PAN3: variants seen among roughly 807,000 people sequenced by gnomAD.
PAN3 encodes the protein poly(A) specific ribonuclease subunit PAN3.
Under a neutral mutation model 96.2 loss-of-function variants are expected in PAN3, and 19 were observed. The observed-to-expected ratio is 0.20, with a 90% CI of 0.14 to 0.29. PAN3 has a LOEUF of 0.29. Ranked by LOEUF, PAN3 falls within the 10% of genes least tolerant of loss-of-function variation. The pLI is 1.00. For synonymous variants in PAN3, 433 were observed against 406.6 expected, an observed-to-expected ratio of 1.06 and a Z score of -0.78; for missense variants, 882 against 1,108.1, an observed-to-expected ratio of 0.80 and a Z score of 2.90.
chr13:28,281,991 G>T (rs1032478015), intron 17 of PAN3, among the ~76,000 whole-genome samples: 4 of 152,086 alleles, frequency 2.6e-5, no homozygotes, highest in Non-Finnish European at 5.9e-5. Context: ...GGGTGGTCTG[G>T]TCTTGAACTC....
At position 28,292,650 on chromosome 13, in the gene PAN3, A is replaced by G. The variant is rs1593653131; in HGVS notation, c.*128A>G. ...ACAGGAGATGAGCAAAGCTGCTTGC[A>G]CTTCAGTCAGGTACACTGTTACTTG... On this transcript the variant is annotated 3_prime_UTR_variant, in exon 19 of 19. Transcript: ENST00000380958. 1 of 868,184 alleles carries G rather than the reference A, an allele frequency of 1.2e-6. No individual in the cohort carries two copies. Among genetic ancestry groups the G allele is most frequent in the Non-Finnish European group, 1.6e-6 (1 of 607,530 alleles). The allele number at this position is 868,184 out of a possible 1,614,324, so 53.8% of individuals were successfully genotyped here. A position where few individuals can be genotyped will look rare whatever the true frequency, so the allele number is the denominator to read the frequency against.
intron 1 of PAN3, among the ~76,000 whole-genome samples, chr13:28,162,618 A>G (rs965705813): frequency 4.6e-5 from 7 of 151,534 alleles, no homozygotes; most frequent in Admixed American, 3.3e-4. Flanking sequence ...CTGCACTCCA[A>G]CCTGGGCAAC....
chr13:28,201,246 G>A (rs1878659939), intron 5 of PAN3, among the ~76,000 whole-genome samples: 6 of 149,518 alleles, frequency 4.0e-5, no homozygotes, highest in Admixed American at 4.0e-4. Flanking sequence ...GTCTTGCCGT[G>A]TTGCTCAGGC....
chr13:28,243,477 T>A (rs1883869514), intron 6 of PAN3, among the ~76,000 whole-genome samples: 1 of 152,230 alleles, frequency 6.6e-6, no homozygotes, highest in African/African-American at 2.4e-5. Flanking sequence ...TACTTACACT[T>A]TGAATTACTT....
intron 9 of PAN3, among the ~76,000 whole-genome samples, chr13:28,262,995 G>A (rs1210569306): frequency 1.3e-5 from 2 of 152,190 alleles, no homozygotes; most frequent in Non-Finnish European, 2.9e-5. Flanking sequence ...TTTCTGAACT[G>A]ACATGTAGAT....
At chr13:28,244,446 CTT>C (rs1883981832) in intron 6 of PAN3, among the ~76,000 whole-genome samples, 2 of 152,010 alleles carry the variant, frequency 1.3e-5, no homozygotes, top group African/African-American at 4.8e-5. Context: ...TGTTTATTCA[CTT>C]TATTGTTTAG....
chr13:28,181,838 T>A (rs574794161), intron 4 of PAN3, among the ~76,000 whole-genome samples: 57 of 152,346 alleles, frequency 3.7e-4, no homozygotes, highest in East Asian at 1.2e-3. Flanking sequence ...GGAGATTTTT[T>A]AAAAAGTGAT....
At chr13:28,275,747 G>C (rs1593619190) in intron 14 of PAN3, among the ~76,000 whole-genome samples, 1 of 152,122 alleles carries the variant, frequency 6.6e-6, no homozygotes, top group East Asian at 1.9e-4. Context: ...TCCTTCCCAT[G>C]CCAGCTTCCC....
Position 28,293,538 on chromosome 13 carries a change from T to A in PAN3, c.*1016T>A, listed in dbSNP as rs1870023230. Reference sequence around the variant, plus strand: ...TGAACTAAACTCAGCAGTGGTCTGGTATCAAGAGCTTTCTGATGTTTTACA... The same window carrying A: ...TGAACTAAACTCAGCAGTGGTCTGGAATCAAGAGCTTTCTGATGTTTTACA... On this transcript the variant is annotated 3_prime_UTR_variant, in exon 19 of 19. Coordinates refer to ENST00000380958, the MANE Select transcript of PAN3 (RefSeq NM_175854.8). 6.6e-6 allele frequency: 1 copy of A among 152,290 alleles called. No homozygotes were observed. The highest frequency in any genetic ancestry group is 1.5e-5 in the Non-Finnish European group (1 of 67,996). 9.4% of individuals were successfully genotyped at this position (152,290 alleles called of 1,614,324 possible). A position where few individuals can be genotyped will look rare whatever the true frequency, so the allele number is the denominator to read the frequency against.
At chr13:28,253,315 A>G (rs559027522) in intron 6 of PAN3, among the ~76,000 whole-genome samples, 2 of 152,238 alleles carry the variant, frequency 1.3e-5, no homozygotes, top group East Asian at 3.9e-4. Context: ...TTAGTACTGT[A>G]TGTAGGCACT....
At chr13:28,231,122 G>T (rs781296237) in intron 6 of PAN3, among the ~76,000 whole-genome samples, 3 of 152,196 alleles carry the variant, frequency 2.0e-5, no homozygotes, top group Non-Finnish European at 4.4e-5. Flanking sequence ...CAGTGGGTAA[G>T]ATTCCTACTA....
At chr13:28,165,283 C>CTTTT (rs35652829) in intron 1 of PAN3, among the ~76,000 whole-genome samples, 6 of 129,424 alleles carry the variant, frequency 4.6e-5, no homozygotes, top group African/African-American at 1.5e-4. Flanking sequence ...CTTATATATC[C>CTTTT]TTTTTTTTTT....
rs561119579 is a variant in PAN3, at chr13:28,264,883, G to A, written c.1412-1832G>A. On this transcript the variant is annotated intron_variant, in intron 9 of 18. Transcript: ENST00000380958. ...TTAGGTGATTGTGACAGGTGGTGAC[G>A]TTTAAGAACCAGTGCCATAGCGAAT... Among the ~76,000 whole-genome samples, 219 of 152,298 alleles carry A rather than the reference G, an allele frequency of 1.4e-3. 2 individuals carry two copies. The highest frequency in any genetic ancestry group is 5.1e-3 in the African/African-American group (211 of 41,568).
At chr13:28,242,132 A>G (rs868118973) in intron 6 of PAN3, among the ~76,000 whole-genome samples, 7 of 152,106 alleles carry the variant, frequency 4.6e-5, no homozygotes, top group East Asian at 1.9e-4. Context: ...ACATTCCTCT[A>G]TTTCTCTCGT....
At chr13:28,288,394 G>C (rs1319028547) in intron 18 of PAN3, among the ~76,000 whole-genome samples, 1 of 152,094 alleles carries the variant, frequency 6.6e-6, no homozygotes, top group Non-Finnish European at 1.5e-5. Context: ...CTGCCTCCCG[G>C]GTTCAAGTGA....
intron 9 of PAN3, among the ~76,000 whole-genome samples, chr13:28,262,567 C>A (rs1306808300): frequency 1.1e-4 from 16 of 151,910 alleles, no homozygotes; most frequent in Non-Finnish European, 1.5e-5. Flanking sequence ...TTTTTCTTAA[C>A]TGTTTAATAT....
At chr13:28,230,676 G>A (rs1279509136) in intron 6 of PAN3, among the ~76,000 whole-genome samples, 1 of 152,116 alleles carries the variant, frequency 6.6e-6, no homozygotes, top group East Asian at 1.9e-4. Flanking sequence ...TTGTACTTTG[G>A]TGGTAGCTTT....
rs925614981 is a variant in PAN3 at position 28,215,673 on chromosome 13, G to T, written c.853-4558G>T. 6.8e-6 allele frequency: 10 copies of T among 1,473,598 alleles called. No individual in the cohort carries two copies. The African/African-American group carries it at 1.3e-4, about 19-fold the overall frequency. 91.3% of individuals were successfully genotyped at this position (1,473,598 alleles called of 1,614,324 possible). On this transcript the variant is annotated intron_variant, in intron 5 of 18. Transcript: ENST00000380958. Reference sequence around the variant, plus strand: ...TTGCCATTTTGGTAATAAGCTGGAAGATGGCCCTAAATTCTTGAAGTCTGG... The same window carrying T: ...TTGCCATTTTGGTAATAAGCTGGAATATGGCCCTAAATTCTTGAAGTCTGG...
At chr13:28,143,489 A>G (rs1870156226) in intron 1 of PAN3, among the ~76,000 whole-genome samples, 1 of 152,218 alleles carries the variant, frequency 6.6e-6, no homozygotes, top group Non-Finnish European at 1.5e-5. Context: ...TTAATTTACC[A>G]AAATACACTT....
Sources: allele counts gnomAD v4.1 joint callset (sites outside exome capture counted in the v4.1 genomes callset), GRCh38; gene constraint gnomAD v4.1.1; transcripts MANE v1.5; gene names NCBI Gene and HGNC (gene_info 2026-07-23, HGNC 2026-07-21).